Variants in GRK5 observed in about 807,000 individuals in gnomAD.
GRK5 encodes the protein G protein-coupled receptor kinase 5.
GRK5 carries 40 observed loss-of-function variants against 78.4 expected under a neutral mutation model. The observed-to-expected ratio is 0.51, with a 90% CI of 0.40 to 0.66. The LOEUF (loss-of-function observed/expected upper bound fraction) is 0.66. Among genes scored for constraint, GRK5 ranks in the 30% least tolerant of loss-of-function variants. The pLI is 0.00. For missense variants in GRK5, 598 were observed against 759.9 expected (o/e 0.79, Z 2.50); for synonymous variants, 289 against 296.8 (o/e 0.97, Z 0.27).
At chr10:119,275,219 A>G (rs962755024) in intron 1 of GRK5, among the ~76,000 whole-genome samples, 6 of 152,274 alleles carry the variant, frequency 3.9e-5, no homozygotes, top group Admixed American at 2.0e-4. Flanking sequence ...AGACGGGATA[A>G]GCGCCTGGAG....
chr10:119,344,936 T>TCCTTCCTTCCTTCC (rs71016565), intron 2 of GRK5, among the ~76,000 whole-genome samples: 1 of 122,538 alleles, frequency 8.2e-6, no homozygotes, highest in Non-Finnish European at 1.7e-5. Flanking sequence ...CTTCCTTCCT[T>TCCTTCCTTCCTTCC]TTCCTCCCTC....
chr10:119,329,297 G>A (rs182578554), intron 2 of GRK5, among the ~76,000 whole-genome samples: 6 of 152,308 alleles, frequency 3.9e-5, no homozygotes, highest in Non-Finnish European at 8.8e-5. Flanking sequence ...TAGATGCGGT[G>A]TTTCCTGTCC....
chr10:119,328,680 T>C (rs1419362820), intron 2 of GRK5, among the ~76,000 whole-genome samples: 2 of 152,176 alleles, frequency 1.3e-5, no homozygotes, highest in African/African-American at 2.4e-5. Context: ...GGAGAGACCT[T>C]TCTGGGGTGT....
intron 1 of GRK5, among the ~76,000 whole-genome samples, chr10:119,324,542 C>T (rs909189105): frequency 1.3e-5 from 2 of 152,102 alleles, no homozygotes; most frequent in Admixed American, 6.5e-5. Context: ...GCAGGAGGAT[C>T]GCTTGAACCC....
At chr10:119,358,259 T>C (rs1024382106) in intron 2 of GRK5, among the ~76,000 whole-genome samples, 1 of 152,154 alleles carries the variant, frequency 6.6e-6, no homozygotes, top group Non-Finnish European at 1.5e-5. Flanking sequence ...GGATGTTGTC[T>C]GACAGTCACC....
chr10:119,386,818 G>A (rs1006208103), intron 3 of GRK5, among the ~76,000 whole-genome samples: 1 of 152,210 alleles, frequency 6.6e-6, no homozygotes, highest in Non-Finnish European at 1.5e-5. Flanking sequence ...CTGGAACCCA[G>A]AGGAGGGAGG....
chr10:119,312,932 G>A (rs1268175114), intron 1 of GRK5, among the ~76,000 whole-genome samples: 1 of 151,744 alleles, frequency 6.6e-6, no homozygotes, highest in Non-Finnish European at 1.5e-5. Flanking sequence ...TGGTGATGGT[G>A]GTAGTGATGG....
chr10:119,430,381 G>T lies in GRK5; in HGVS notation c.540G>T (p.Pro180=). 6.2e-7 allele frequency: 1 copy of T among 1,613,618 alleles called. No individual in the cohort carries two copies. The highest frequency in any genetic ancestry group is 8.5e-7 in the Non-Finnish European group (1 of 1,179,760). ...GGATTCTTCTTTCTTCCAGGCAACC[G>T]GTGACCAAAAACACTTTCAGGCAGT... ...FLQWKWLERQ[P]VTKNTFRQYR... The change falls in exon 7 of 16, where the codon CCG becomes CCT. Residue 180 remains proline, a synonymous_variant. Coordinates refer to ENST00000392870, the MANE Select transcript of GRK5 (RefSeq NM_005308.3). This position sits in a 1 kb window ranked among gnomAD's most constrained non-coding sequence, Gnocchi z 4.5.
chr10:119,371,759 C>T (rs948756816), intron 2 of GRK5, among the ~76,000 whole-genome samples: 4 of 152,194 alleles, frequency 2.6e-5, no homozygotes, highest in Admixed American at 6.5e-5. Context: ...TCTCAGTCAT[C>T]GGAGAAGTAA....
chr10:119,242,894 C>G (rs1031952612), intron 1 of GRK5, among the ~76,000 whole-genome samples: 4 of 152,052 alleles, frequency 2.6e-5, no homozygotes, highest in Non-Finnish European at 4.4e-5. Flanking sequence ...CAATTAAACC[C>G]CCTTCCTTTA....
rs1337093301 is a variant in GRK5, at chr10:119,386,143, C to G, written c.261+5216C>G. Among the ~76,000 whole-genome samples the G allele has an allele frequency of 4.6e-5, 7 of 152,162 alleles. No homozygotes were observed. The East Asian group carries it at 1.4e-3, about 29-fold the overall frequency. On this transcript the variant is annotated intron_variant, in intron 3 of 15. Coordinates refer to ENST00000392870, the MANE Select transcript of GRK5 (RefSeq NM_005308.3). ...CAAGTGATCTGCCTGCTTTGGCCTC[C>G]CAAAGTGGTGGGATTACAGGCATGA...
chr10:119,333,948 G>A, intron 2 of GRK5: 2 of 454,284 alleles, frequency 4.4e-6, no homozygotes, highest in South Asian at 1.6e-5. Flanking sequence ...GTCCCTCCTG[G>A]CTTAAAGGAT....
chr10:119,394,202 GTA>G (rs2133847191), intron 3 of GRK5, among the ~76,000 whole-genome samples: 2 of 34,144 alleles, frequency 5.9e-5, no homozygotes, highest in Admixed American at 3.8e-4. Context: ...ATGGGGGTGT[GTA>G]TCTGTGTGTG....
chr10:119,243,005 G>A (rs961387860), intron 1 of GRK5, among the ~76,000 whole-genome samples: 4 of 152,198 alleles, frequency 2.6e-5, no homozygotes, highest in African/African-American at 9.7e-5. Flanking sequence ...TTGGGAGGGT[G>A]AGGTAGGCGG....
At chr10:119,427,201 G>A (rs79937681) in intron 6 of GRK5, among the ~76,000 whole-genome samples, 9 of 144,384 alleles carry the variant, frequency 6.2e-5, no homozygotes, top group East Asian at 4.2e-4. Flanking sequence ...CAGTATCACC[G>A]CCATCAACAG....
chr10:119,254,500 T>C lies in GRK5; in HGVS notation c.52+46531T>C, dbSNP rs56069986. On this transcript the variant is annotated intron_variant, in intron 1 of 15. Coordinates refer to ENST00000392870, the MANE Select transcript of GRK5 (RefSeq NM_005308.3). ...CTTACAGCCTAATGGGAAAGGCAGC[T>C]TGGAACAAGAAACCGTGCATGGGAT... Among the ~76,000 whole-genome samples the C allele has an allele frequency of 7.2e-3, 1,091 of 152,280 alleles. 10 individuals carry two copies. Among genetic ancestry groups the C allele is most frequent in the South Asian group, 0.037 (180 of 4,826 alleles).
intron 10 of GRK5, 128 bp downstream of exon 10, chr10:119,439,896 G>A (rs563120080): frequency 2.6e-6 from 2 of 782,604 alleles, no homozygotes; most frequent in East Asian, 2.5e-5. Flanking sequence ...CTCAGTGCTG[G>A]GTACCTGGGG....
chr10:119,252,920 C>T (rs1182394412), intron 1 of GRK5, among the ~76,000 whole-genome samples: 1 of 152,194 alleles, frequency 6.6e-6, no homozygotes, highest in African/African-American at 2.4e-5. Context: ...TCACCCTCCT[C>T]CCCTGGGGCC....
intron 1 of GRK5, among the ~76,000 whole-genome samples, chr10:119,210,442 A>C (rs1386792374): frequency 6.6e-6 from 1 of 152,178 alleles, no homozygotes; most frequent in African/African-American, 2.4e-5. Context: ...TAGTGTGGAC[A>C]CTTTTAGAAA....
Sources: allele counts gnomAD v4.1 joint callset (sites outside exome capture counted in the v4.1 genomes callset), GRCh38; gene constraint gnomAD v4.1.1; non-coding constraint Gnocchi (gnomAD v3.1); transcripts MANE v1.5; gene names NCBI Gene and HGNC (gene_info 2026-07-23, HGNC 2026-07-21).